The following UTY variants were observed in gnomAD, a reference collection of about 807,000 sequenced individuals.
UTY encodes ubiquitously transcribed tetratricopeptide repeat containing, Y-linked.
UTY carries 12 observed loss-of-function variants against 32.5 expected under a neutral mutation model. That is an observed-to-expected ratio of 0.37 (90% CI 0.24 to 0.60). The LOEUF is 0.60. Among genes scored for constraint, UTY ranks in the 20% least tolerant of loss-of-function variants. The probability of loss-of-function intolerance (pLI) is 0.69; values close to 1 mark genes in which losing one functional copy is unlikely to be tolerated. For synonymous variants in UTY, 131 were observed against 103.4 expected, an observed-to-expected ratio of 1.27 and a Z score of -1.62; for missense variants, 303 against 299.2, an observed-to-expected ratio of 1.01 and a Z score of -0.09.
At chrY:13,380,061 GTATATATATATATATA>G (rs1204552573) in intron 8 of UTY, among the ~76,000 whole-genome samples, 3 of 3,639 alleles carry the variant, frequency 8.2e-4, no homozygotes, top group East Asian at 0.053. Flanking sequence ...GTGTGTGTGT[GTATATATATATATATA>G]TATATATATA....
At chrY:13,409,120 A>G (rs2070511220) in intron 6 of UTY, among the ~76,000 whole-genome samples, 1 of 33,684 alleles carries the variant, frequency 3.0e-5, no homozygotes, top group African/African-American at 1.2e-4. Flanking sequence ...GTGTGTATAC[A>G]CATATAATGT....
intron 2 of UTY, among the ~76,000 whole-genome samples, chrY:13,470,787 A>G: frequency 3.0e-5 from 1 of 33,567 alleles, no homozygotes. Flanking sequence ...ACTTTATATA[A>G]AAGTTACATA....
chrY:13,413,905 C>A, intron 5 of UTY, among the ~76,000 whole-genome samples: 1 of 34,418 alleles, frequency 2.9e-5, no homozygotes, highest in African/African-American at 1.1e-4. Context: ...GCAGGGCCAA[C>A]TGGGCAGAGC....
chrY:13,413,597 C>G, intron 5 of UTY, among the ~76,000 whole-genome samples: 1 of 34,928 alleles, frequency 2.9e-5, no homozygotes. Context: ...TGTAACACCC[C>G]CTTTGGGGCT....
At chrY:13,398,957 A>G in intron 6 of UTY, among the ~76,000 whole-genome samples, 3 of 33,209 alleles carry the variant, frequency 9.0e-5, no homozygotes, top group African/African-American at 3.5e-4. Flanking sequence ...CACTGAAAAC[A>G]GGGACTCAAT....
chrY:13,329,604 C>T (rs2060533504), intron 18 of UTY, among the ~76,000 whole-genome samples: 1 of 33,902 alleles, frequency 2.9e-5, no homozygotes, highest in Non-Finnish European at 7.4e-5. Context: ...AATGATTGCA[C>T]ACATCTGGTA....
Position 13,437,940 on chromosome Y carries a change from G to GA in UTY, c.375+11076dup, listed in dbSNP as rs768174822. 7.9e-3 allele frequency among the ~76,000 whole-genome samples: 155 copies of GA among 19,718 alleles called. No individual in the cohort carries two copies. The South Asian group carries it at 0.15, about 19-fold the overall frequency. 52.9% of individuals were successfully genotyped at this position (19,718 alleles called of 37,273 possible). A position where few individuals can be genotyped will look rare whatever the true frequency, so the allele number is the denominator to read the frequency against. On this transcript the variant is annotated intron_variant, in intron 4 of 29. Coordinates refer to ENST00000545955, the MANE Select transcript of UTY (RefSeq NM_001258249.2). ...AATGAATGCTGGATATAAAATTTCA[G>GA]AAAAAAAAAAAAAAGGTTTGCATCT...
chrY:13,334,113 T>A (rs2060884009), intron 18 of UTY, among the ~76,000 whole-genome samples: 1 of 33,816 alleles, frequency 3.0e-5, no homozygotes, highest in Non-Finnish European at 7.3e-5. Flanking sequence ...CGTTTCGCCC[T>A]GAACGTCTGC....
intron 27 of UTY, among the ~76,000 whole-genome samples, chrY:13,267,958 T>C (rs1037918124): frequency 3.0e-5 from 1 of 32,804 alleles, no homozygotes; most frequent in African/African-American, 1.2e-4. Context: ...CCTTAACATT[T>C]TTTCCTTCAT....
chrY:13,427,878 T>C, intron 4 of UTY, among the ~76,000 whole-genome samples: 1 of 33,597 alleles, frequency 3.0e-5, no homozygotes, highest in African/African-American at 1.2e-4. Flanking sequence ...CAGCATATTT[T>C]GCTTTTTGAC....
At chrY:13,366,910 A>G in intron 9 of UTY, among the ~76,000 whole-genome samples, 1 of 34,487 alleles carries the variant, frequency 2.9e-5, no homozygotes, top group African/African-American at 1.1e-4. Flanking sequence ...GCACAACCTC[A>G]GTTCACTACA....
intron 8 of UTY, among the ~76,000 whole-genome samples, chrY:13,392,265 C>G (rs2067643256): frequency 3.0e-5 from 1 of 33,289 alleles, no homozygotes; most frequent in South Asian, 6.8e-4. Flanking sequence ...AAGACATACC[C>G]AAAACGTGGA....
intron 28 of UTY, among the ~76,000 whole-genome samples, chrY:13,242,291 A>G: frequency 3.0e-5 from 1 of 33,060 alleles, no homozygotes; most frequent in South Asian, 6.8e-4. Flanking sequence ...AACGCATTCT[A>G]TAAGACCAGC....
At chrY:13,466,969 A>G (rs570822242) in intron 3 of UTY, among the ~76,000 whole-genome samples, 111 of 34,364 alleles carry the variant, frequency 3.2e-3, no homozygotes, top group African/African-American at 0.011. Flanking sequence ...GCAGCGGCAC[A>G]ATCTCAGCTC....
At chrY:13,250,808 A>C in intron 29 of UTY, among the ~76,000 whole-genome samples, 2 of 34,299 alleles carry the variant, frequency 5.8e-5, no homozygotes, top group African/African-American at 1.1e-4. Flanking sequence ...GGGCATTCTC[A>C]CTGAGAAGCA....
At chrY:13,373,942 T>C in intron 8 of UTY, among the ~76,000 whole-genome samples, 2 of 33,802 alleles carry the variant, frequency 5.9e-5, no homozygotes, top group African/African-American at 2.3e-4. Context: ...CCACTTGAAA[T>C]ACAAAATCTG....
intron 25 of UTY, among the ~76,000 whole-genome samples, chrY:13,300,891 C>CT (rs1486588451): frequency 3.7e-3 from 100 of 26,922 alleles, no homozygotes; most frequent in Admixed American, 0.015. Flanking sequence ...TTTTCCATAA[C>CT]TTTTTTTTTT....
At chrY:13,477,766 C>G in intron 2 of UTY, among the ~76,000 whole-genome samples, 1 of 33,368 alleles carries the variant, frequency 3.0e-5, no homozygotes, top group Non-Finnish European at 7.4e-5. Flanking sequence ...CCACATTATC[C>G]CAGAAAACAT....
chrY:13,352,838 C>T, intron 17 of UTY, among the ~76,000 whole-genome samples: 1 of 34,118 alleles, frequency 2.9e-5, no homozygotes, highest in Non-Finnish European at 7.3e-5. Context: ...TGTCTCATCA[C>T]TGACAATATT....
Sources: gnomAD v4.1 joint callset for allele counts (sites outside exome capture counted in the v4.1 genomes callset) on GRCh38, gnomAD v4.1.1 for gene constraint, MANE v1.5 for transcripts, NCBI Gene and HGNC (gene_info 2026-07-23, HGNC 2026-07-21) for gene names.